UNC5B: variants seen among roughly 807,000 people sequenced by gnomAD.
The protein encoded by UNC5B is unc-5 netrin receptor B.
In UNC5B, 56 loss-of-function variants were observed where a neutral mutation model predicts 103.7. The observed-to-expected ratio is 0.54, with a 90% CI of 0.44 to 0.67. UNC5B has a LOEUF of 0.67. Among genes scored for constraint, UNC5B ranks in the 30% least tolerant of loss-of-function variants. The probability of loss-of-function intolerance (pLI) is 0.00; values close to 1 mark genes in which losing one functional copy is unlikely to be tolerated. For missense variants in UNC5B, 1,194 were observed against 1,284.5 expected, an observed-to-expected ratio of 0.93 and a Z score of 1.08; for synonymous variants, 577 against 542.0, an observed-to-expected ratio of 1.06 and a Z score of -0.90.
intron 1 of UNC5B, among the ~76,000 whole-genome samples, chr10:71,265,315 C>A (rs1844499217): frequency 6.6e-6 from 1 of 152,132 alleles, no homozygotes; most frequent in Admixed American, 6.5e-5. Flanking sequence ...AGCTTCCCCT[C>A]TAGGGCAACC....
At chr10:71,290,326 G>T (rs1845214104) in intron 8 of UNC5B, among the ~76,000 whole-genome samples, 1 of 152,108 alleles carries the variant, frequency 6.6e-6, no homozygotes, top group Admixed American at 6.5e-5. Context: ...GCCGTGGGTT[G>T]CCTCCCTGGG....
intron 15 of UNC5B, among the ~76,000 whole-genome samples, chr10:71,297,515 G>C (rs1420337309): frequency 2.0e-5 from 3 of 152,238 alleles, no homozygotes; most frequent in African/African-American, 7.2e-5. Context: ...ACTGGATACA[G>C]GTCTGGACCC....
chr10:71,296,720 A>G lies in UNC5B; in HGVS notation c.2468A>G (p.Gln823Arg), dbSNP rs757480833. 12 of 1,610,038 alleles carry G rather than the reference A, an allele frequency of 7.5e-6. No homozygotes were observed. The highest frequency in any genetic ancestry group is 2.7e-5 in the African/African-American group (2 of 73,432). The change falls in exon 15 of 17, where the codon CAG becomes CGG. Residue 823 changes from glutamine to arginine, a missense_variant. Gln to Arg is a conservative substitution (Grantham distance 43). Transcript: ENST00000335350. ...RQVEGEGQIF[Q>R]LHTTLAETPA... is the part of the protein sequence containing the mutation. ...GTGGAAGGGGAGGGCCAGATATTCC[A>G]GCTGCATACCACTCTGGCAGAGGTG...
At chr10:71,291,903 T>C in intron 10 of UNC5B, 82 bp downstream of exon 10, 1 of 1,487,148 alleles carries the variant, frequency 6.7e-7, no homozygotes, top group East Asian at 2.3e-5. Context: ...CAGCAGAAGA[T>C]AGGGCTGCCC....
At chr10:71,244,505 C>G (rs2132262656) in intron 1 of UNC5B, among the ~76,000 whole-genome samples, 1 of 152,376 alleles carries the variant, frequency 6.6e-6, no homozygotes, top group Non-Finnish European at 1.5e-5. Flanking sequence ...TCATATCCTT[C>G]TTACAGAGGG....
In UNC5B at chr10:71,299,148, G is replaced by A. The variant is rs775861584; in HGVS notation, c.2709G>A (p.Thr903=). Residue 903 remains threonine, a synonymous_variant, in exon 17 of 17, where the codon ACG becomes ACA. Coordinates refer to ENST00000335350, the MANE Select transcript of UNC5B (RefSeq NM_170744.5). ...LNYFATKASP[T]GVILDLWEAL... is the part of the protein sequence containing the mutation. ...ACTTTGCCACCAAAGCGAGCCCCAC[G>A]GGTGTGATCCTGGACCTCTGGGAAG... 2.5e-5 allele frequency: 41 copies of A among 1,614,082 alleles called. No homozygotes were observed. Among genetic ancestry groups the A allele is most frequent in the South Asian group, 3.3e-5 (3 of 91,088 alleles).
chr10:71,222,727 A>G (rs1468669296), intron 1 of UNC5B, among the ~76,000 whole-genome samples: 1 of 152,198 alleles, frequency 6.6e-6, no homozygotes, highest in African/African-American at 2.4e-5. Flanking sequence ...GCCCTGACCC[A>G]GGAGGCATCC....
chr10:71,226,148 C>T (rs1399637032), intron 1 of UNC5B, among the ~76,000 whole-genome samples: 3 of 152,292 alleles, frequency 2.0e-5, no homozygotes, highest in African/African-American at 7.2e-5. Context: ...CATCTCGGCT[C>T]ACTGCAATCT....
At chr10:71,249,985 A>G (rs1844137008) in intron 1 of UNC5B, among the ~76,000 whole-genome samples, 1 of 152,206 alleles carries the variant, frequency 6.6e-6, no homozygotes, top group Admixed American at 6.5e-5. Flanking sequence ...TCAGGAGAAC[A>G]GCCCAGAGGA....
At position 71,230,097 on chromosome 10, in the gene UNC5B, G is replaced by A. The variant is rs539256306; in HGVS notation, c.79+17033G>A. On this transcript the variant is annotated intron_variant, in intron 1 of 16. Transcript: ENST00000335350. ...CCCCTACCTCCTCCTCTCTGCTCTT[G>A]CCTTGGTTTGGTAGCTGAGAAAGAT... Among the ~76,000 whole-genome samples the A allele has an allele frequency of 4.6e-5, 7 of 152,234 alleles. 1 individual carries two copies. The highest frequency in any genetic ancestry group is 4.6e-4 in the Admixed American group (7 of 15,288).
chr10:71,223,212 C>A (rs1018197671), intron 1 of UNC5B, among the ~76,000 whole-genome samples: 5 of 152,138 alleles, frequency 3.3e-5, no homozygotes, highest in Non-Finnish European at 7.4e-5. Context: ...GAGGCTGGGC[C>A]TGATTTGGCT....
chr10:71,293,989 G>A, intron 13 of UNC5B, 56 bp downstream of exon 13: 2 of 1,468,680 alleles, frequency 1.4e-6, no homozygotes, highest in Non-Finnish European at 9.1e-7. Flanking sequence ...CATGATCCCT[G>A]CCAGAATCCC....
At chr10:71,283,345 G>A (rs995199422) in intron 2 of UNC5B, among the ~76,000 whole-genome samples, 2 of 152,216 alleles carry the variant, frequency 1.3e-5, no homozygotes, top group Admixed American at 1.3e-4. Flanking sequence ...CTGTGGCGGA[G>A]TAGTCACCAT....
chr10:71,291,330 T>G (rs1674805374), intron 9 of UNC5B, 102 bp from the exon 10 acceptor site: 1 of 1,500,644 alleles, frequency 6.7e-7, no homozygotes, highest in African/African-American at 1.4e-5. Context: ...CTGGCAGCAA[T>G]TGGGCCTTTC....
chr10:71,288,391 G>T (rs1845149154), intron 6 of UNC5B, among the ~76,000 whole-genome samples, 177 bp from the exon 7 acceptor site: 2 of 152,214 alleles, frequency 1.3e-5, no homozygotes, highest in African/African-American at 4.8e-5. Context: ...ATTGGCATGG[G>T]GTTATGTGGA....
At chr10:71,266,146 G>A (rs1031252224) in intron 1 of UNC5B, among the ~76,000 whole-genome samples, 2 of 152,050 alleles carry the variant, frequency 1.3e-5, no homozygotes, top group Non-Finnish European at 2.9e-5. Flanking sequence ...GACAAACTTA[G>A]TGCCTGACAT....
intron 1 of UNC5B, among the ~76,000 whole-genome samples, chr10:71,226,117 C>T (rs1222511837): frequency 6.6e-6 from 1 of 152,102 alleles, no homozygotes; most frequent in Non-Finnish European, 1.5e-5. Flanking sequence ...CTCTATCACC[C>T]AGGCTGGAGT....
At chr10:71,249,123 A>G (rs775988717) in intron 1 of UNC5B, among the ~76,000 whole-genome samples, 3 of 152,154 alleles carry the variant, frequency 2.0e-5, no homozygotes, top group Non-Finnish European at 4.4e-5. Context: ...ACAGCCCTAC[A>G]CAGGCACCTC....
At chr10:71,278,402 C>CCCATGTTCTGT (rs1844824990) in intron 1 of UNC5B, among the ~76,000 whole-genome samples, 1 of 152,198 alleles carries the variant, frequency 6.6e-6, no homozygotes, top group South Asian at 2.1e-4. Context: ...CTGGGCCCTA[C>CCCATGTTCTGT]AGAACATGCT....
Sources: gnomAD v4.1 joint callset for allele counts (sites outside exome capture counted in the v4.1 genomes callset) on GRCh38, gnomAD v4.1.1 for gene constraint, MANE v1.5 for transcripts, NCBI Gene and HGNC (gene_info 2026-07-23, HGNC 2026-07-21) for gene names.